Variants in DENND1A observed in about 807,000 individuals in gnomAD.
DENND1A encodes the protein DENN domain-containing protein 1A.
DENND1A carries 51 observed loss-of-function variants against 113.7 expected under a neutral mutation model. The observed-to-expected ratio is 0.45, with a 90% CI of 0.36 to 0.57. DENND1A has a LOEUF of 0.57. DENND1A is among the 20% of genes least tolerant of loss of function. DENND1A has a pLI of 0.00. For synonymous variants in DENND1A, 565 were observed against 570.8 expected, an observed-to-expected ratio of 0.99 and a Z score of 0.14; for missense variants, 1,258 against 1,395.9, an observed-to-expected ratio of 0.90 and a Z score of 1.57.
At chr9:123,846,602 G>T (rs1249697796) in intron 2 of DENND1A, among the ~76,000 whole-genome samples, 1 of 151,918 alleles carries the variant, frequency 6.6e-6, no homozygotes, top group Non-Finnish European at 1.5e-5. Flanking sequence ...AGACAGAAAA[G>T]GACAAATAAT....
intron 5 of DENND1A, among the ~76,000 whole-genome samples, chr9:123,713,712 T>A (rs2066785398): frequency 6.6e-6 from 1 of 151,980 alleles, no homozygotes; most frequent in Admixed American, 6.6e-5. Flanking sequence ...AAAACTAGAC[T>A]CTCCTGAAAT....
intron 21 of DENND1A, chr9:123,401,837 C>T (rs752042108): frequency 6.2e-6 from 10 of 1,614,198 alleles, no homozygotes; most frequent in Non-Finnish European, 5.9e-6. Context: ...TCCAGCCTCT[C>T]GTCGGGAACT....
intron 18 of DENND1A, among the ~76,000 whole-genome samples, chr9:123,442,822 TG>T (rs766440912): frequency 1.1e-4 from 16 of 152,208 alleles, no homozygotes; most frequent in Non-Finnish European, 1.3e-4. Context: ...CTGCACCTAT[TG>T]CCTTATTTTT....
chr9:123,501,814 T>C (rs947434950), intron 13 of DENND1A, among the ~76,000 whole-genome samples: 3 of 152,240 alleles, frequency 2.0e-5, no homozygotes, highest in African/African-American at 7.2e-5. Flanking sequence ...GGGCCTAGCC[T>C]CCCAGCCTAC....
chr9:123,737,448 A>T (rs1312409317), intron 5 of DENND1A, among the ~76,000 whole-genome samples: 1 of 152,158 alleles, frequency 6.6e-6, no homozygotes, highest in East Asian at 1.9e-4. Flanking sequence ...TTGACCTCCC[A>T]AAGCACTAGG....
At chr9:123,432,629 A>G (rs932127705) in intron 19 of DENND1A, among the ~76,000 whole-genome samples, 1 of 152,210 alleles carries the variant, frequency 6.6e-6, no homozygotes, top group Non-Finnish European at 1.5e-5. Context: ...AAAAGGAGAA[A>G]TATGCTTTGG....
intron 5 of DENND1A, among the ~76,000 whole-genome samples, chr9:123,756,913 T>A (rs1447484830): frequency 6.6e-6 from 1 of 152,202 alleles, no homozygotes; most frequent in Admixed American, 6.5e-5. Flanking sequence ...CTCCTGCTGC[T>A]GTGCCCTGGC....
chr9:123,629,469 G>A (rs1037428970), intron 10 of DENND1A, among the ~76,000 whole-genome samples: 3 of 152,256 alleles, frequency 2.0e-5, no homozygotes, highest in African/African-American at 7.2e-5. Context: ...AGATAGTGAG[G>A]ACGATGATGT....
chr9:123,381,529 A>G lies in DENND1A; in HGVS notation c.3116T>C (p.Leu1039Ser). 3 of 1,613,474 alleles carry G rather than the reference A, an allele frequency of 1.9e-6. No homozygotes were observed. The highest frequency in any genetic ancestry group is 2.5e-6 in the Non-Finnish European group (3 of 1,179,910). The part of the protein sequence containing the change: ...QQARDPFEDL[L>S]QKTKQDVSPS... ...GCTCACGTCTTGCTTGGTTTTCTGTAACAAATCCTCAAAGGGGTCTCTGGC... is the reference window on the plus strand; with the variant it reads ...GCTCACGTCTTGCTTGGTTTTCTGTGACAAATCCTCAAAGGGGTCTCTGGC... The change falls in exon 24 of 24, where the codon TTA becomes TCA. Residue 1039 changes from leucine to serine, a missense_variant. By Grantham distance (145) the Leu-to-Ser change is moderately radical. Coordinates refer to ENST00000394215, the MANE Select transcript of DENND1A (RefSeq NM_001352964.2). This position sits in a 1 kb window ranked among gnomAD's most constrained non-coding sequence, Gnocchi z 4.7.
chr9:123,542,074 G>A (rs1347383477), intron 13 of DENND1A, among the ~76,000 whole-genome samples: 1 of 152,206 alleles, frequency 6.6e-6, no homozygotes, highest in East Asian at 1.9e-4. Flanking sequence ...ACATCTGTTA[G>A]ATAGTAATTG....
intron 13 of DENND1A, among the ~76,000 whole-genome samples, chr9:123,516,735 A>C (rs1410792380): frequency 1.3e-5 from 2 of 151,600 alleles, no homozygotes; most frequent in Non-Finnish European, 2.9e-5. Flanking sequence ...AAAATACAAA[A>C]ATTAGCTGGG....
At chr9:123,783,431 C>A (rs1310404009) in intron 3 of DENND1A, among the ~76,000 whole-genome samples, 1 of 152,180 alleles carries the variant, frequency 6.6e-6, no homozygotes, top group African/African-American at 2.4e-5. Flanking sequence ...TAACACCTGA[C>A]AAAGGCACCA....
intron 10 of DENND1A, among the ~76,000 whole-genome samples, chr9:123,624,135 T>C (rs183551172): frequency 1.3e-5 from 2 of 152,332 alleles, no homozygotes; most frequent in Non-Finnish European, 2.9e-5. Flanking sequence ...CAGGAGATAA[T>C]AGTTTTCAGA....
intron 1 of DENND1A, among the ~76,000 whole-genome samples, chr9:123,913,445 G>C (rs2134053198): frequency 6.6e-6 from 1 of 152,232 alleles, no homozygotes; most frequent in East Asian, 1.9e-4. Flanking sequence ...TTAACAGGAA[G>C]GTGGGAGGGA....
intron 13 of DENND1A, among the ~76,000 whole-genome samples, chr9:123,552,068 A>AGG (rs2057117558): frequency 6.6e-6 from 1 of 151,174 alleles, no homozygotes; most frequent in Admixed American, 6.6e-5. Flanking sequence ...AGAGAGAGAG[A>AGG]GGCCAAGGTG....
chr9:123,481,411 C>T (rs1201378047), intron 13 of DENND1A, among the ~76,000 whole-genome samples: 3 of 152,312 alleles, frequency 2.0e-5, no homozygotes, highest in East Asian at 1.9e-4. Flanking sequence ...AGCCCAGGCA[C>T]CAGGAAGGAC....
intron 5 of DENND1A, among the ~76,000 whole-genome samples, chr9:123,701,142 T>C (rs1482854870): frequency 6.6e-6 from 1 of 152,072 alleles, no homozygotes; most frequent in East Asian, 1.9e-4. Flanking sequence ...TATGCAGAGA[T>C]TTCACAGAAC....
chr9:123,910,889 G>A (rs1245193269), intron 1 of DENND1A, among the ~76,000 whole-genome samples: 2 of 152,200 alleles, frequency 1.3e-5, no homozygotes, highest in African/African-American at 4.8e-5. Flanking sequence ...GTTGCAGTGA[G>A]CCTAGATGAA....
At chr9:123,555,525 C>T (rs994516687) in intron 13 of DENND1A, among the ~76,000 whole-genome samples, 2 of 152,168 alleles carry the variant, frequency 1.3e-5, no homozygotes, top group Non-Finnish European at 2.9e-5. Context: ...AGGGATGCTC[C>T]CTTCTTTCTT....
Sources: gnomAD v4.1 joint callset for allele counts (sites outside exome capture counted in the v4.1 genomes callset) on GRCh38, gnomAD v4.1.1 for gene constraint, Gnocchi (gnomAD v3.1) non-coding constraint, MANE v1.5 for transcripts, NCBI Gene and HGNC (gene_info 2026-07-23, HGNC 2026-07-21) for gene names.